STRN: variants seen among roughly 807,000 people sequenced by gnomAD.
STRN encodes protein phosphatase 2 regulatory subunit B'''alpha.
Under a neutral mutation model 96.3 loss-of-function variants are expected in STRN, and 53 were observed. The ratio of observed to expected loss-of-function variants is 0.55; its 90% CI spans 0.44 to 0.69. The LOEUF is 0.69. STRN is among the 30% of genes least tolerant of loss of function. The pLI is 0.00. For synonymous variants in STRN, 428 were observed against 355.9 expected (o/e 1.20, Z -2.28); for missense variants, 987 against 963.9 (o/e 1.02, Z -0.32).
intron 1 of STRN, among the ~76,000 whole-genome samples, chr2:36,926,834 A>G (rs1670422768): frequency 6.6e-6 from 1 of 152,204 alleles, no homozygotes; most frequent in South Asian, 2.1e-4. Flanking sequence ...TATATTCTGC[A>G]GTGGGATAAT....
chr2:36,858,654 A>C (rs1040582017), intron 13 of STRN, among the ~76,000 whole-genome samples: 5 of 152,244 alleles, frequency 3.3e-5, no homozygotes, highest in African/African-American at 1.2e-4. Flanking sequence ...AAACCTTATT[A>C]ATCTTCACAA....
chr2:36,946,652 G>C (rs1056459422), intron 1 of STRN, among the ~76,000 whole-genome samples: 1 of 152,196 alleles, frequency 6.6e-6, no homozygotes, highest in African/African-American at 2.4e-5. Flanking sequence ...GGAATGGAGA[G>C]AGGCTAGGGT....
chr2:36,904,825 C>G (rs1053598148), intron 4 of STRN, among the ~76,000 whole-genome samples: 7 of 151,400 alleles, frequency 4.6e-5, no homozygotes, highest in African/African-American at 9.7e-5. Flanking sequence ...GAGACTCCAT[C>G]TCAAATGAAT....
intron 1 of STRN, among the ~76,000 whole-genome samples, chr2:36,933,508 T>A (rs771170485): frequency 1.3e-5 from 2 of 152,232 alleles, no homozygotes; most frequent in South Asian, 4.1e-4. Context: ...AGATTTAACA[T>A]TCATGGTTAC....
intron 9 of STRN, among the ~76,000 whole-genome samples, chr2:36,878,390 A>C (rs1433997724): frequency 6.6e-6 from 1 of 152,260 alleles, no homozygotes; most frequent in East Asian, 1.9e-4. Context: ...TATATGTACA[A>C]GTGCTGGTCT....
intron 6 of STRN, 99 bp from the exon 7 acceptor site, chr2:36,894,132 G>C: frequency 7.2e-7 from 1 of 1,384,310 alleles, no homozygotes; most frequent in Non-Finnish European, 9.7e-7. Flanking sequence ...TACGTTTGTT[G>C]TGTTAAATAA....
rs1667933490 is a variant in STRN at position 36,840,802 on chromosome 2, G to A, written c.*8654C>T. 1 of 151,998 alleles carries A rather than the reference G, an allele frequency of 6.6e-6. No individual in the cohort carries two copies. 9.4% of individuals were successfully genotyped at this position (151,998 alleles called of 1,614,324 possible). On this transcript the variant is annotated 3_prime_UTR_variant, in exon 18 of 18. Transcript: ENST00000263918. ...ATAATATGCAAAATCTGGGTTAAGG[G>A]AGAGAATCAAGATATTCAGAAAAAA...
intron 1 of STRN, among the ~76,000 whole-genome samples, chr2:36,945,229 T>C (rs1291770518): frequency 1.3e-5 from 2 of 152,030 alleles, no homozygotes; most frequent in Non-Finnish European, 2.9e-5. Context: ...GAAATAAATA[T>C]GAGAGGAATA....
At chr2:36,865,147 C>G (rs1668589874) in intron 12 of STRN, among the ~76,000 whole-genome samples, 2 of 152,236 alleles carry the variant, frequency 1.3e-5, no homozygotes, top group Non-Finnish European at 1.5e-5. Context: ...ATTACTGATT[C>G]AATTTCAGAA....
intron 15 of STRN, among the ~76,000 whole-genome samples, chr2:36,851,496 AAAAAAG>A (rs946337522): frequency 5.7e-5 from 8 of 140,886 alleles, no homozygotes; most frequent in Admixed American, 3.4e-4. Flanking sequence ...AAAAGAAAAG[AAAAAAG>A]AAAAAGAAAA....
At chr2:36,862,318 T>C (rs1014806419) in intron 12 of STRN, among the ~76,000 whole-genome samples, 1 of 152,204 alleles carries the variant, frequency 6.6e-6, no homozygotes, top group Non-Finnish European at 1.5e-5. Flanking sequence ...CTTTGAGAAA[T>C]CACCAAACTG....
intron 11 of STRN, 145 bp downstream of exon 11, chr2:36,869,409 T>A: frequency 1.2e-6 from 1 of 828,146 alleles, no homozygotes; most frequent in Non-Finnish European, 1.7e-6. Flanking sequence ...GTTGTATAAA[T>A]GGAAAAACAC....
intron 10 of STRN, among the ~76,000 whole-genome samples, chr2:36,873,835 C>G (rs1215918344): frequency 2.0e-5 from 3 of 151,398 alleles, no homozygotes; most frequent in Non-Finnish European, 2.9e-5. Context: ...CTCAGCTACC[C>G]GAGAGGCTGA....
chr2:36,955,250 A>C (rs1194449049), intron 1 of STRN, among the ~76,000 whole-genome samples: 1 of 152,222 alleles, frequency 6.6e-6, no homozygotes, highest in African/African-American at 2.4e-5. Flanking sequence ...AAACCAATTC[A>C]CACAGTGACC....
rs748757072 is a variant in STRN at position 36,842,804 on chromosome 2, G to A, written c.*6652C>T. 2.0e-5 allele frequency among the ~76,000 whole-genome samples: 3 copies of A among 152,274 alleles called. No individual in the cohort carries two copies. The highest frequency in any genetic ancestry group is 1.9e-4 in the East Asian group (1 of 5,190). ...AAAACGGATTCCAATTTTCAGAGCCGTATGTCAGTGCTTCCTTAGAGAACT... is the reference window on the plus strand; with the variant it reads ...AAAACGGATTCCAATTTTCAGAGCCATATGTCAGTGCTTCCTTAGAGAACT... On this transcript the variant is annotated 3_prime_UTR_variant, in exon 18 of 18. Coordinates refer to ENST00000263918, the MANE Select transcript of STRN (RefSeq NM_003162.4).
chr2:36,894,240 G>A (rs1263160676), intron 6 of STRN, among the ~76,000 whole-genome samples: 1 of 152,078 alleles, frequency 6.6e-6, no homozygotes, highest in Admixed American at 6.5e-5. Flanking sequence ...CGGTATTATG[G>A]CTTGTTTTAA....
At chr2:36,918,201 A>G (rs1266481214) in intron 2 of STRN, among the ~76,000 whole-genome samples, 2 of 152,154 alleles carry the variant, frequency 1.3e-5, no homozygotes, top group African/African-American at 4.8e-5. Flanking sequence ...AGTTCAATGT[A>G]TTTGTAATAC....
At chr2:36,941,986 C>T (rs1459398192) in intron 1 of STRN, among the ~76,000 whole-genome samples, 3 of 152,174 alleles carry the variant, frequency 2.0e-5, no homozygotes, top group East Asian at 1.9e-4. Context: ...CCCCTTCTAA[C>T]TTGTAGCTTC....
At position 36,902,681 on chromosome 2, in the gene STRN, C is replaced by T. The variant is rs769432139; in HGVS notation, c.562G>A (p.Gly188Ser). 1.2e-6 allele frequency: 2 copies of T among 1,611,902 alleles called. No homozygotes were observed. Among genetic ancestry groups the T allele is most frequent in the African/African-American group, 2.7e-5 (2 of 74,878 alleles). The change falls in exon 5 of 18, where the codon GGC becomes AGC. Residue 188 changes from glycine (G) to serine (S), a missense_variant. Transcript: ENST00000263918. ...VKSKRVRALL[G>S]FSSDVTDRED... ...CTGTCCGTGACATCACTTGAAAAGCCCAACAAAGCTCGCACTCGTTTAGAT... is the reference window on the plus strand; with the variant it reads ...CTGTCCGTGACATCACTTGAAAAGCTCAACAAAGCTCGCACTCGTTTAGAT...
Sources: gnomAD v4.1 joint callset for allele counts (sites outside exome capture counted in the v4.1 genomes callset) on GRCh38, gnomAD v4.1.1 for gene constraint, MANE v1.5 for transcripts, NCBI Gene and HGNC (gene_info 2026-07-23, HGNC 2026-07-21) for gene names.